PHC2: variants seen among roughly 807,000 people sequenced by gnomAD.
The protein encoded by PHC2 is polyhomeotic-like protein 2.
Under a neutral mutation model 87.4 loss-of-function variants are expected in PHC2, and 29 were observed. The ratio of observed to expected loss-of-function variants is 0.33; its 90% CI spans 0.25 to 0.45. The LOEUF is 0.45. Among genes scored for constraint, PHC2 ranks in the 20% least tolerant of loss-of-function variants. The pLI is 1.00. For missense variants in PHC2, 857 were observed against 1,136.7 expected (o/e 0.75, Z 3.54); for synonymous variants, 438 against 461.7 (o/e 0.95, Z 0.66).
At chr1:33,411,942 G>A (rs1036149906) in intron 1 of PHC2, among the ~76,000 whole-genome samples, 5 of 152,136 alleles carry the variant, frequency 3.3e-5, no homozygotes, top group Admixed American at 3.3e-4. Flanking sequence ...AACCAGGATA[G>A]AAGAAAACTT....
At chr1:33,396,428 C>T (rs901261341) in intron 1 of PHC2, among the ~76,000 whole-genome samples, 1 of 152,174 alleles carries the variant, frequency 6.6e-6, no homozygotes, top group Non-Finnish European at 1.5e-5. Context: ...TGAGCTGCCC[C>T]ATTTATTCTG....
Position 33,334,305 on chromosome 1 carries a change from G to A in PHC2, c.1559-13C>T. ...CCCTGCCCTGTCTCTGCACGAGAGA[G>A]AGTAGGAAAACAAAGCAGGGGAGAT... On this transcript the variant is annotated splice_polypyrimidine_tract_variant and intron_variant, in intron 9 of 14. Transcript: ENST00000683057. The surrounding 1 kb of genome is among the most constrained non-coding windows in gnomAD (Gnocchi z 5.5). The A allele has an allele frequency of 6.2e-7, 1 of 1,610,718 alleles. No homozygotes were observed. Among genetic ancestry groups the A allele is most frequent in the East Asian group, 2.2e-5 (1 of 44,840 alleles).
At position 33,372,265 on chromosome 1, in the gene PHC2, CTCAAGGTCCT is replaced by C. The variant is rs1181489109; in HGVS notation, c.333+14_333+23del. 3.3e-6 allele frequency: 5 copies of C among 1,501,186 alleles called. No individual in the cohort carries two copies. The allele number at this position is 1,501,186 out of a possible 1,614,324, so 93.0% of individuals were successfully genotyped here. A position where few individuals can be genotyped will look rare whatever the true frequency, so the allele number is the denominator to read the frequency against. On this transcript the variant is annotated intron_variant, in intron 3 of 14. Coordinates refer to ENST00000683057, the MANE Select transcript of PHC2 (RefSeq NM_001385109.1). ...CACAACCAGGATGCCTGGCACCAGC[CTCAAGGTCCT>C]TCCCAAGTCTCACCTGCTGTACGGC...
At chr1:33,383,027 TG>T (rs1352043688) in intron 1 of PHC2, among the ~76,000 whole-genome samples, 3 of 152,138 alleles carry the variant, frequency 2.0e-5, no homozygotes, top group African/African-American at 4.8e-5. Flanking sequence ...TGAGGCGGCT[TG>T]GTATGGAGAG....
intron 1 of PHC2, among the ~76,000 whole-genome samples, chr1:33,416,583 A>AG (rs1491290127): frequency 8.0e-6 from 1 of 125,514 alleles, no homozygotes; most frequent in African/African-American, 3.0e-5. Context: ...CTCAAAAAAA[A>AG]GAAAAAAAAA....
At chr1:33,397,066 C>G (rs1349164518) in intron 1 of PHC2, among the ~76,000 whole-genome samples, 3 of 152,212 alleles carry the variant, frequency 2.0e-5, no homozygotes, top group Admixed American at 2.0e-4. Flanking sequence ...CTCTCTAAGC[C>G]TTAGTTTCCT....
chr1:33,419,857 C>A (rs1650361507), intron 1 of PHC2, among the ~76,000 whole-genome samples: 1 of 152,142 alleles, frequency 6.6e-6, no homozygotes, highest in East Asian at 1.9e-4. Context: ...GATCCACCCG[C>A]CTCGGCCTCC....
chr1:33,328,783 C>T (rs1460717611), intron 14 of PHC2, 87 bp downstream of exon 14: 10 of 1,337,918 alleles, frequency 7.5e-6, no homozygotes, highest in South Asian at 1.4e-5. Context: ...ATTAACTAAA[C>T]TACCTAATCC....
chr1:33,354,438 T>C lies in PHC2; in HGVS notation c.1521A>G (p.Val507=), dbSNP rs1647029603. Residue 507 remains valine, a synonymous_variant, in exon 9 of 15, where the codon GTA becomes GTG. Transcript: ENST00000683057. ...IVTAMPGGLP[V]PTSPNIQPSP... ...ACGGCTGGATGTTAGGGCTCGTGGG[T>C]ACAGGCAGGCCACCAGGCATGGCAG... 1 of 1,613,794 alleles carries C rather than the reference T, an allele frequency of 6.2e-7. No homozygotes were observed. Among genetic ancestry groups the C allele is most frequent in the African/African-American group, 1.3e-5 (1 of 74,880 alleles).
chr1:33,429,863 C>T (rs546469425), intron 1 of PHC2, among the ~76,000 whole-genome samples: 1 of 152,316 alleles, frequency 6.6e-6, no homozygotes, highest in South Asian at 2.1e-4. Flanking sequence ...TTAGAAGGAA[C>T]GACTTTAGAC....
intron 8 of PHC2, 135 bp from the exon 9 acceptor site, chr1:33,354,701 C>A: frequency 7.7e-7 from 1 of 1,299,372 alleles, no homozygotes; most frequent in East Asian, 2.4e-5. Flanking sequence ...TGGGGAAGGC[C>A]CTCTCTTCCT....
intron 1 of PHC2, among the ~76,000 whole-genome samples, chr1:33,424,495 A>C (rs1483276934): frequency 6.6e-6 from 1 of 152,098 alleles, no homozygotes; most frequent in South Asian, 2.1e-4. Context: ...CCCTCCTTTG[A>C]TTCACTGGTG....
intron 5 of PHC2, 80 bp downstream of exon 5, chr1:33,370,341 T>C: frequency 7.0e-7 from 1 of 1,438,602 alleles, no homozygotes; most frequent in Non-Finnish European, 9.6e-7. Flanking sequence ...TCCCCACCCT[T>C]CTCCAGCTCC....
At chr1:33,346,999 T>G (rs1646856842) in intron 9 of PHC2, 1 of 985,284 alleles carries the variant, frequency 1.0e-6, no homozygotes, top group South Asian at 4.7e-5. Flanking sequence ...TTGTGTAAGA[T>G]CATCCATCTA....
chr1:33,325,535 G>A (rs757800556), intron 14 of PHC2: 2 of 212,532 alleles, frequency 9.4e-6, no homozygotes, highest in East Asian at 1.3e-4. Flanking sequence ...ACTGCAGCCT[G>A]TATGGCGTCT....
Position 33,349,614 on chromosome 1 carries a change from G to C in PHC2, c.1558+4787C>G. 1 of 983,730 alleles carries C rather than the reference G, an allele frequency of 1.0e-6. No homozygotes were observed. Among genetic ancestry groups the C allele is most frequent in the Non-Finnish European group, 1.2e-6 (1 of 829,298 alleles). 60.9% of individuals were successfully genotyped at this position (983,730 alleles called of 1,614,324 possible). A position where few individuals can be genotyped will look rare whatever the true frequency, so the allele number is the denominator to read the frequency against. On this transcript the variant is annotated intron_variant, in intron 9 of 14. Coordinates refer to ENST00000683057, the MANE Select transcript of PHC2 (RefSeq NM_001385109.1). This position sits in a 1 kb window ranked among gnomAD's most constrained non-coding sequence, Gnocchi z 4.2. ...GCACTGACCTGTCCAGGGCCCGGCT[G>C]GGCCTGGCCGGGCGGGGCCTACGCA...
chr1:33,347,812 C>T (rs1646872914), intron 9 of PHC2: 1 of 821,602 alleles, frequency 1.2e-6, no homozygotes, highest in African/African-American at 1.9e-5. Flanking sequence ...AGCACCACTC[C>T]CCATCTGCCC....
chr1:33,363,678 C>T, intron 7 of PHC2: 1 of 900,752 alleles, frequency 1.1e-6, no homozygotes, highest in Non-Finnish European at 1.3e-6. Context: ...TTTTCAACAA[C>T]CCGACAGTTC....
At chr1:33,328,596 C>G (rs1011820071) in intron 14 of PHC2, among the ~76,000 whole-genome samples, 1 of 152,112 alleles carries the variant, frequency 6.6e-6, no homozygotes, top group Admixed American at 6.5e-5. Context: ...GAGAGAGAGA[C>G]AGTTAATTAC....
Sources: gnomAD v4.1 joint callset for allele counts (sites outside exome capture counted in the v4.1 genomes callset) on GRCh38, gnomAD v4.1.1 for gene constraint, Gnocchi (gnomAD v3.1) non-coding constraint, MANE v1.5 for transcripts, NCBI Gene and HGNC (gene_info 2026-07-23, HGNC 2026-07-21) for gene names.